DPYD: variants seen among roughly 807,000 people sequenced by gnomAD.
The protein encoded by DPYD is dihydropyrimidine dehydrogenase.
In DPYD, 109 loss-of-function variants were observed where a neutral mutation model predicts 116.2. The ratio of observed to expected loss-of-function variants is 0.94; its 90% confidence interval spans 0.80 to 1.10. The LOEUF is 1.10. DPYD is among the 50% of genes least tolerant of loss of function. The pLI is 0.00. For missense variants in DPYD, 1,302 were observed against 1,254.5 expected, an observed-to-expected ratio of 1.04 and a Z score of -0.57; for synonymous variants, 440 against 432.0, an observed-to-expected ratio of 1.02 and a Z score of -0.23.
intron 20 of DPYD, among the ~76,000 whole-genome samples, chr1:97,166,131 T>C (rs369196143): frequency 3.1e-4 from 47 of 152,250 alleles, no homozygotes; most frequent in East Asian, 1.2e-3. Context: ...CGTGTCCACA[T>C]AAGGTATGTT....
rs529974032 is a variant in DPYD at position 97,313,694 on chromosome 1, G to A, written c.2059-7397C>T. Among the ~76,000 whole-genome samples the A allele has an allele frequency of 6.6e-5, 10 of 151,768 alleles. No homozygotes were observed. In the South Asian group the frequency reaches 1.5e-3, roughly 22 times the overall value. On this transcript the variant is annotated intron_variant, in intron 16 of 22. Transcript: ENST00000370192. ...TGTCCCTTGAATAACACCCTTCAACGCAGCCCTCCATGACAAATCCTTCCA... is the reference window on the plus strand; with the variant it reads ...TGTCCCTTGAATAACACCCTTCAACACAGCCCTCCATGACAAATCCTTCCA...
At chr1:97,681,206 T>C (rs959977936) in intron 7 of DPYD, among the ~76,000 whole-genome samples, 3 of 152,118 alleles carry the variant, frequency 2.0e-5, no homozygotes, top group Admixed American at 1.3e-4. Flanking sequence ...GTCAAATACA[T>C]AGTCTAATTT....
At chr1:97,189,537 C>T (rs115327710) in intron 20 of DPYD, among the ~76,000 whole-genome samples, 22 of 152,170 alleles carry the variant, frequency 1.4e-4, no homozygotes, top group Non-Finnish European at 2.8e-4. Context: ...TGTTTCTTAA[C>T]GAAGAATGTC....
chr1:97,704,352 T>C (rs1661779601), intron 5 of DPYD, among the ~76,000 whole-genome samples: 3 of 151,912 alleles, frequency 2.0e-5, no homozygotes, highest in Admixed American at 2.0e-4. Context: ...TGGCATTATA[T>C]GAAAAATGTA....
intron 2 of DPYD, among the ~76,000 whole-genome samples, chr1:97,835,616 C>T (rs1461364854): frequency 2.6e-5 from 4 of 151,884 alleles, no homozygotes; most frequent in African/African-American, 9.7e-5. Flanking sequence ...AAAGTATTTG[C>T]TTTTTAATCA....
intron 2 of DPYD, among the ~76,000 whole-genome samples, chr1:97,830,313 AT>A (rs1669474603): frequency 6.6e-6 from 1 of 152,176 alleles, no homozygotes. Flanking sequence ...TTGGACATAA[AT>A]TTTTTAAGGT....
At chr1:97,119,997 A>G (rs192716374) in intron 20 of DPYD, among the ~76,000 whole-genome samples, 2 of 152,308 alleles carry the variant, frequency 1.3e-5, no homozygotes, top group African/African-American at 4.8e-5. Context: ...GCAGATGGTC[A>G]GTGCCTGCCC....
Position 97,144,228 on chromosome 1 carries a change from T to C in DPYD, c.2623-45596A>G, listed in dbSNP as rs1262888663. Among the ~76,000 whole-genome samples the C allele has an allele frequency of 3.9e-5, 6 of 152,354 alleles. No homozygotes were observed. The South Asian group carries it at 1.2e-3, about 32-fold the overall frequency. ...TAGGCAAATGCCTTTCTTTCAGCTT[T>C]ACGCAAAGATAGAAGAAGAATCTCT... On this transcript the variant is annotated intron_variant, in intron 20 of 22. Transcript: ENST00000370192.
At chr1:97,632,692 T>C (rs1423673062) in intron 8 of DPYD, among the ~76,000 whole-genome samples, 2 of 152,120 alleles carry the variant, frequency 1.3e-5, no homozygotes, top group African/African-American at 4.8e-5. Context: ...GTTGTGCAAA[T>C]AAGCAACCAT....
chr1:97,593,136 T>G, intron 10 of DPYD, 82 bp downstream of exon 10: 1 of 1,500,542 alleles, frequency 6.7e-7, no homozygotes, highest in Non-Finnish European at 9.2e-7. Context: ...ATTTCAACAT[T>G]CTAGCGATTT....
intron 14 of DPYD, among the ~76,000 whole-genome samples, chr1:97,416,908 C>A (rs1411778058): frequency 3.3e-5 from 5 of 152,110 alleles, no homozygotes. Flanking sequence ...AATATAGCCA[C>A]ACAAATATTA....
At chr1:97,392,161 T>A (rs1438142372) in intron 14 of DPYD, among the ~76,000 whole-genome samples, 1 of 151,950 alleles carries the variant, frequency 6.6e-6, no homozygotes, top group Non-Finnish European at 1.5e-5. Flanking sequence ...AAAACTAATA[T>A]CACAATAAAG....
At chr1:97,718,134 T>A (rs1319798548) in intron 5 of DPYD, among the ~76,000 whole-genome samples, 15 of 152,136 alleles carry the variant, frequency 9.9e-5, no homozygotes, top group African/African-American at 3.4e-4. Flanking sequence ...ACATCTATTA[T>A]TTTTTGATTT....
intron 16 of DPYD, among the ~76,000 whole-genome samples, chr1:97,319,926 A>G (rs1321854619): frequency 1.7e-5 from 2 of 118,232 alleles, no homozygotes; most frequent in African/African-American, 6.2e-5. Context: ...GGCTGGTTCA[A>G]TATACGCAAA....
At chr1:97,451,744 C>T (rs558965142) in intron 13 of DPYD, among the ~76,000 whole-genome samples, 37 of 152,172 alleles carry the variant, frequency 2.4e-4, no homozygotes, top group Non-Finnish European at 4.6e-4. Context: ...GTGGGTACTC[C>T]GGTGTTTTCA....
chr1:97,281,529 A>G (rs1217238325), intron 18 of DPYD, among the ~76,000 whole-genome samples: 1 of 151,484 alleles, frequency 6.6e-6, no homozygotes, highest in African/African-American at 2.4e-5. Context: ...ACTTAATTAA[A>G]AATTGTTTTC....
At chr1:97,613,860 A>G (rs919771511) in intron 8 of DPYD, among the ~76,000 whole-genome samples, 1 of 152,036 alleles carries the variant, frequency 6.6e-6, no homozygotes, top group Non-Finnish European at 1.5e-5. Flanking sequence ...CAGTTCTACC[A>G]TGTTATTTTC....
chr1:97,848,613 A>C (rs376391645), intron 2 of DPYD, among the ~76,000 whole-genome samples: 4 of 152,212 alleles, frequency 2.6e-5, no homozygotes, highest in African/African-American at 9.6e-5. Context: ...ATCAAGCACA[A>C]TTATTATATA....
chr1:97,794,071 G>T (rs1667451731), intron 3 of DPYD, among the ~76,000 whole-genome samples: 2 of 152,192 alleles, frequency 1.3e-5, no homozygotes, highest in South Asian at 4.2e-4. Context: ...CCAAGTAGCT[G>T]GGACTACAGG....
Sources: allele counts gnomAD v4.1 joint callset (sites outside exome capture counted in the v4.1 genomes callset), GRCh38; gene constraint gnomAD v4.1.1; transcripts MANE v1.5; gene names NCBI Gene and HGNC (gene_info 2026-07-23, HGNC 2026-07-21).